VPS41: variants seen among roughly 807,000 people sequenced by gnomAD.
VPS41 encodes VPS41 subunit of HOPS complex.
VPS41 carries 85 observed loss-of-function variants against 130.9 expected under a neutral mutation model. That is an observed-to-expected ratio of 0.65 (90% CI 0.55 to 0.78). The LOEUF (loss-of-function observed/expected upper bound fraction) is 0.78, where lower values mean the gene tolerates loss of function less well. Ranked by LOEUF, VPS41 falls within the 30% of genes least tolerant of loss-of-function variation. The probability of loss-of-function intolerance (pLI) is 0.00; values close to 1 mark genes in which losing one functional copy is unlikely to be tolerated. For missense variants in VPS41, 874 were observed against 1,018.7 expected (o/e 0.86, Z 1.93); for synonymous variants, 335 against 332.9 (o/e 1.01, Z -0.07).
At chr7:38,849,995 G>A (rs1785815627) in intron 4 of VPS41, among the ~76,000 whole-genome samples, 2 of 152,120 alleles carry the variant, frequency 1.3e-5, no homozygotes, top group Non-Finnish European at 2.9e-5. Context: ...AACTGTAAAT[G>A]AGAAGACTGA....
intron 3 of VPS41, among the ~76,000 whole-genome samples, chr7:38,866,184 CA>C (rs941903324): frequency 6.6e-6 from 1 of 152,104 alleles, no homozygotes; most frequent in Non-Finnish European, 1.5e-5. Flanking sequence ...GTGGTTAAGA[CA>C]GAAGCCAATA....
intron 2 of VPS41, among the ~76,000 whole-genome samples, chr7:38,887,757 A>C (rs1231288045): frequency 2.0e-5 from 3 of 152,160 alleles, no homozygotes; most frequent in Non-Finnish European, 4.4e-5. Context: ...ATGAAGGAAA[A>C]AATGTTAAGG....
chr7:38,789,218 G>A (rs1433803880), intron 10 of VPS41, among the ~76,000 whole-genome samples: 3 of 152,080 alleles, frequency 2.0e-5, no homozygotes, highest in Non-Finnish European at 2.9e-5. Flanking sequence ...CCCTGTGTGT[G>A]CTCAAAAGGA....
intron 12 of VPS41, 44 bp from the exon 13 acceptor site, chr7:38,772,681 A>G: frequency 7.0e-7 from 1 of 1,420,630 alleles, no homozygotes; most frequent in Non-Finnish European, 9.9e-7. Context: ...ACTGAACAGC[A>G]GAAAACTTGG....
chr7:38,728,880 G>C (rs1054589130), intron 25 of VPS41, 89 bp from the exon 26 acceptor site: 41 of 1,187,216 alleles, frequency 3.5e-5, no homozygotes, highest in African/African-American at 6.1e-5. Flanking sequence ...TCCAAAAGCT[G>C]GCATGCTTGA....
At chr7:38,887,135 C>A (rs75248241) in intron 2 of VPS41, among the ~76,000 whole-genome samples, 2 of 152,214 alleles carry the variant, frequency 1.3e-5, no homozygotes, top group East Asian at 3.8e-4. Flanking sequence ...CAAAGGAACA[C>A]AACTCCTCGC....
chr7:38,846,657 A>G (rs1029525689), intron 4 of VPS41, among the ~76,000 whole-genome samples: 2 of 152,154 alleles, frequency 1.3e-5, no homozygotes, highest in Admixed American at 1.3e-4. Flanking sequence ...TGGGAAGATT[A>G]CTTGGGCAGC....
chr7:38,907,933 G>T (rs1269017302), intron 1 of VPS41, among the ~76,000 whole-genome samples: 1 of 152,114 alleles, frequency 6.6e-6, no homozygotes, highest in African/African-American at 2.4e-5. Context: ...GTTTTCCTTT[G>T]AACTGCTAGA....
chr7:38,832,571 T>C (rs1409246147), intron 4 of VPS41, among the ~76,000 whole-genome samples: 1 of 152,166 alleles, frequency 6.6e-6, no homozygotes, highest in African/African-American at 2.4e-5. Flanking sequence ...ATAGAGGGTG[T>C]ACATAGTATG....
intron 17 of VPS41, among the ~76,000 whole-genome samples, chr7:38,759,964 C>T (rs866982501): frequency 6.6e-6 from 1 of 152,148 alleles, no homozygotes; most frequent in Non-Finnish European, 1.5e-5. Context: ...GTCCTCCTTC[C>T]ACTTTGGCTT....
rs369755273 is a variant in VPS41 at position 38,796,848 on chromosome 7, C to T, written c.467G>A (p.Arg156Gln). The change falls in exon 8 of 29, where the codon CGG (arginine) becomes CAG (glutamine). Residue 156 changes from arginine to glutamine, a missense_variant. Physicochemically the swap from Arg to Gln is conservative, Grantham distance 43. Transcript: ENST00000310301. ...TGGKKLLLFE[R>Q]SWMNRWKSAV... ...AGACTTCCATCTGTTCATCCAAGAC[C>T]GTTCAAACAGTAGCAGCTAGGGACA... 96 of 1,613,748 alleles carry T rather than the reference C, an allele frequency of 5.9e-5. No individual in the cohort carries two copies. The highest frequency in any genetic ancestry group is 7.5e-5 in the Non-Finnish European group (89 of 1,179,828).
At chr7:38,728,250 T>G (rs531072114) in intron 27 of VPS41, 94 of 579,636 alleles carry the variant, frequency 1.6e-4, no homozygotes, top group Non-Finnish European at 2.6e-4. Flanking sequence ...TCTCAGTTCC[T>G]GCCCTGGAAG....
At chr7:38,754,813 T>C in intron 20 of VPS41, 61 bp from the exon 21 acceptor site, 1 of 1,588,788 alleles carries the variant, frequency 6.3e-7, no homozygotes, top group Admixed American at 1.7e-5. Flanking sequence ...GCTACAAAAT[T>C]ATCTGATAAA....
At chr7:38,827,328 T>C (rs1371574535) in intron 5 of VPS41, among the ~76,000 whole-genome samples, 1 of 152,038 alleles carries the variant, frequency 6.6e-6, no homozygotes, top group Non-Finnish European at 1.5e-5. Flanking sequence ...AATAAAAGGC[T>C]AAAAATGAGA....
intron 4 of VPS41, among the ~76,000 whole-genome samples, chr7:38,833,289 C>T (rs560806861): frequency 3.9e-5 from 6 of 152,304 alleles, no homozygotes; most frequent in African/African-American, 1.4e-4. Flanking sequence ...TCTCAGCAAG[C>T]CTGCACAGTG....
intron 17 of VPS41, among the ~76,000 whole-genome samples, chr7:38,758,999 A>T (rs1783862208): frequency 2.6e-5 from 4 of 152,212 alleles, no homozygotes; most frequent in Non-Finnish European, 4.4e-5. Flanking sequence ...GTTCATCTGT[A>T]TCCTTTGCAA....
In VPS41 at chr7:38,779,570, A is replaced by T. The variant is rs552580670; in HGVS notation, c.785-2794T>A. Among the ~76,000 whole-genome samples, 7 of 152,356 alleles carry T rather than the reference A, an allele frequency of 4.6e-5. No homozygotes were observed. In the South Asian group the frequency reaches 1.4e-3, roughly 32 times the overall value. The stretch of plus-strand genomic sequence containing the variant: ...GTTGCTGATTTAGGGAAATGTCTGC[A>T]GCCATTCTGCCACAAAGTAAGACAT... On this transcript the variant is annotated intron_variant, in intron 10 of 28. Transcript: ENST00000310301.
intron 18 of VPS41, among the ~76,000 whole-genome samples, chr7:38,757,750 C>CCTGCAGTATACTTCTT (rs1159396770): frequency 6.6e-6 from 1 of 152,052 alleles, no homozygotes; most frequent in Non-Finnish European, 1.5e-5. Context: ...CAGGGATGGT[C>CCTGCAGTATACTTCTT]GTCTTGGCTA....
At position 38,776,725 on chromosome 7, in the gene VPS41, T is replaced by G; in HGVS notation, c.836A>C (p.Asp279Ala). The G allele has an allele frequency of 6.2e-7, 1 of 1,612,686 alleles. No individual in the cohort carries two copies. The highest frequency in any genetic ancestry group is 8.5e-7 in the Non-Finnish European group (1 of 1,178,940). ...TACATACGAAAGTACAACAAGCTGATCACAGAGAGGTGCAAGTCCACTGAT... is the reference window on the plus strand; with the variant it reads ...TACATACGAAAGTACAACAAGCTGAGCACAGAGAGGTGCAAGTCCACTGAT... Reference protein sequence around the residue: ...FYISGLAPLCDQLVVLSYVKE... With the variant: ...FYISGLAPLCAQLVVLSYVKE... Residue 279 changes from aspartate (D) to alanine (A), a missense_variant, in exon 11 of 29, where the codon GAT becomes GCT. By Grantham distance (126) the Asp-to-Ala change is moderately radical. Coordinates refer to ENST00000310301, the MANE Select transcript of VPS41 (RefSeq NM_014396.4).
Sources: allele counts gnomAD v4.1 joint callset (sites outside exome capture counted in the v4.1 genomes callset), GRCh38; gene constraint gnomAD v4.1.1; transcripts MANE v1.5; gene names NCBI Gene and HGNC (gene_info 2026-07-23, HGNC 2026-07-21).